The following AFF2 variants were observed in gnomAD, a reference collection of about 807,000 sequenced individuals.
The protein encoded by AFF2 is ALF transcription elongation factor 2.
Under a neutral mutation model 76.9 loss-of-function variants are expected in AFF2, and 14 were observed. That is an observed-to-expected ratio of 0.18 (90% CI 0.12 to 0.28). AFF2 has a LOEUF of 0.28. Ranked by LOEUF, AFF2 falls within the 10% of genes least tolerant of loss-of-function variation. The pLI, the probability that AFF2 is intolerant of heterozygous loss-of-function variation, is 1.00. For synonymous variants in AFF2, 398 were observed against 366.7 expected, an observed-to-expected ratio of 1.09 and a Z score of -0.98; for missense variants, 868 against 1,001.1, an observed-to-expected ratio of 0.87 and a Z score of 1.79.
At chrX:148,706,597 G>T (rs781907167) in intron 3 of AFF2, among the ~76,000 whole-genome samples, 18 of 112,317 alleles carry the variant, frequency 1.6e-4, no homozygotes, top group Admixed American at 5.6e-4. Context: ...TTCAAATTAG[G>T]ATCAAGAGGG....
chrX:148,877,319 G>A (rs1394242167), intron 7 of AFF2, among the ~76,000 whole-genome samples: 2 of 111,657 alleles, frequency 1.8e-5, no homozygotes, highest in African/African-American at 3.3e-5. Context: ...TGCTCACAGG[G>A]GTCCTGGGCT....
chrX:148,587,723 C>T (rs1340305251), intron 1 of AFF2, among the ~76,000 whole-genome samples: 1 of 112,051 alleles, frequency 8.9e-6, no homozygotes, highest in Non-Finnish European at 1.9e-5. Context: ...CCTAAAGTAC[C>T]CTTACAAATG....
At chrX:148,663,146 C>A (rs1021729756) in intron 3 of AFF2, among the ~76,000 whole-genome samples, 2 of 111,990 alleles carry the variant, frequency 1.8e-5, no homozygotes, top group Non-Finnish European at 1.9e-5. Context: ...CACTATATGC[C>A]TTCACTACTC....
At chrX:148,882,594 T>C (rs1473662666) in intron 7 of AFF2, among the ~76,000 whole-genome samples, 1 of 111,807 alleles carries the variant, frequency 8.9e-6, no homozygotes, top group Non-Finnish European at 1.9e-5. Flanking sequence ...GAGCAATTTT[T>C]TTCACATTAT....
intron 19 of AFF2, among the ~76,000 whole-genome samples, chrX:148,982,926 T>A (rs1418491139): frequency 8.9e-6 from 1 of 112,596 alleles, no homozygotes; most frequent in Non-Finnish European, 1.9e-5. Flanking sequence ...AAATTTTTAC[T>A]GATAAGATTC....
intron 9 of AFF2, among the ~76,000 whole-genome samples, chrX:148,907,781 G>A (rs1285539135): frequency 9.0e-6 from 1 of 111,356 alleles, no homozygotes; most frequent in Non-Finnish European, 1.9e-5. Flanking sequence ...CTTATCAGGA[G>A]ACAGGGTTTG....
intron 1 of AFF2, among the ~76,000 whole-genome samples, chrX:148,636,031 A>AT (rs782131793): frequency 8.2e-5 from 9 of 109,384 alleles, no homozygotes; most frequent in Non-Finnish European, 1.3e-4. Flanking sequence ...ATATATATAT[A>AT]TTTTTTTCAT....
intron 11 of AFF2, among the ~76,000 whole-genome samples, chrX:148,957,753 C>T (rs1569557680): frequency 1.8e-5 from 2 of 112,421 alleles, no homozygotes. Flanking sequence ...AAAATAGGGA[C>T]CAAGAAGTCA....
chrX:148,765,585 T>C (rs782355180), intron 3 of AFF2, among the ~76,000 whole-genome samples: 15 of 111,819 alleles, frequency 1.3e-4, no homozygotes, highest in African/African-American at 1.3e-4. Flanking sequence ...TAGGGTAACA[T>C]TGAATGCCTT....
chrX:148,990,018 T>G (rs182021006), intron 20 of AFF2, among the ~76,000 whole-genome samples: 2 of 112,320 alleles, frequency 1.8e-5, no homozygotes, highest in Admixed American at 1.9e-4. Context: ...CAACAATGAC[T>G]AGGTCCTTAA....
intron 4 of AFF2, among the ~76,000 whole-genome samples, chrX:148,825,396 C>G (rs10126388): frequency 0.017 from 1,883 of 111,859 alleles, 43 homozygotes; most frequent in African/African-American, 0.058. Flanking sequence ...CAAATACATA[C>G]AAGCTCCTAT....
rs781942106 is a variant in AFF2 at position 148,501,070 on chromosome X, G to A, written c.-28G>A. On this transcript the variant is annotated 5_prime_UTR_variant, in exon 1 of 21. Transcript: ENST00000370460. ...CGACCCGCTGCGATCAGGGACAGGC[G>A]CCCGCCCGCCGCCGCCGCCTGGCCG... The A allele has an allele frequency of 8.4e-7, 1 of 1,194,035 alleles. No individual in the cohort carries two copies. Among genetic ancestry groups the A allele is most frequent in the Non-Finnish European group, 1.1e-6 (1 of 888,793 alleles).
intron 7 of AFF2, among the ~76,000 whole-genome samples, chrX:148,865,817 C>T (rs782152732): frequency 9.0e-6 from 1 of 111,504 alleles, no homozygotes; most frequent in Non-Finnish European, 1.9e-5. Context: ...ATATGAATGA[C>T]GATTGGAGTA....
chrX:148,951,183 A>G (rs1452366552), intron 9 of AFF2, among the ~76,000 whole-genome samples: 95 of 2,716 alleles, frequency 0.035, no homozygotes, highest in Non-Finnish European at 0.29. Flanking sequence ...ACACACACGC[A>G]CACACACACA....
rs142686839 is a variant in AFF2 at position 148,956,580 on chromosome X, G to A, written c.2535G>A (p.Glu845=). 2.0e-5 allele frequency: 24 copies of A among 1,209,980 alleles called. No homozygotes were observed. The African/African-American group carries it at 4.2e-4, about 21-fold the overall frequency. The part of the protein sequence containing the change: ...PKRQTAVTAV[E]KPAPKGKRKH... ...GTCAGACAGCTGTCACAGCTGTGGA[G>A]AAACCAGCCCCTAAGGGCAAACGTA... is the stretch of plus-strand genomic sequence containing the variant. Residue 845 remains glutamate, a synonymous_variant, in exon 11 of 21, where the codon GAG becomes GAA. Coordinates refer to ENST00000370460, the MANE Select transcript of AFF2 (RefSeq NM_002025.4).
At position 148,760,014 on chromosome X, in the gene AFF2, C is replaced by G. The variant is rs145907594; in HGVS notation, c.1042-49862C>G. Among the ~76,000 whole-genome samples, 18 of 112,253 alleles carry G rather than the reference C, an allele frequency of 1.6e-4. 1 individual carries two copies. Among genetic ancestry groups the G allele is most frequent in the African/African-American group, 5.8e-4 (18 of 30,980 alleles). On this transcript the variant is annotated intron_variant, in intron 3 of 20. Coordinates refer to ENST00000370460, the MANE Select transcript of AFF2 (RefSeq NM_002025.4). ...TAGACAGAGTAGAGAGTGGACAATT[C>G]ACCTGAAAGAGCTTTTTCACTTTTC...
intron 1 of AFF2, among the ~76,000 whole-genome samples, chrX:148,545,886 G>T (rs1394954789): frequency 9.0e-6 from 1 of 111,510 alleles, no homozygotes; most frequent in East Asian, 2.8e-4. Flanking sequence ...CAGGTGCTGC[G>T]TGATTAATGT....
intron 3 of AFF2, among the ~76,000 whole-genome samples, chrX:148,745,971 G>C (rs2055416181): frequency 9.0e-6 from 1 of 110,786 alleles, no homozygotes; most frequent in African/African-American, 3.3e-5. Context: ...TTGAACTCCT[G>C]ACCTCAAGTG....
intron 9 of AFF2, among the ~76,000 whole-genome samples, chrX:148,938,416 T>C (rs1569557263): frequency 8.9e-6 from 1 of 112,319 alleles, no homozygotes; most frequent in African/African-American, 3.2e-5. Flanking sequence ...GTATCAGACT[T>C]ATATTACATT....
Sources: allele counts gnomAD v4.1 joint callset (sites outside exome capture counted in the v4.1 genomes callset), GRCh38; gene constraint gnomAD v4.1.1; transcripts MANE v1.5; gene names NCBI Gene and HGNC (gene_info 2026-07-23, HGNC 2026-07-21).